Variants in RPS6KC1 observed in about 807,000 individuals in gnomAD.
The protein encoded by RPS6KC1 is ribosomal protein S6 kinase C1.
RPS6KC1 carries 54 observed loss-of-function variants against 103.8 expected under a neutral mutation model. The ratio of observed to expected loss-of-function variants is 0.52; its 90% confidence interval spans 0.42 to 0.65. The LOEUF (loss-of-function observed/expected upper bound fraction) is 0.65. Among genes scored for constraint, RPS6KC1 ranks in the 30% least tolerant of loss-of-function variants. The pLI, the probability that RPS6KC1 is intolerant of heterozygous loss-of-function variation, is 0.00. For missense variants in RPS6KC1, 1,151 were observed against 1,253.8 expected (o/e 0.92, Z 1.24); for synonymous variants, 439 against 438.7 (o/e 1.00, Z -0.01).
At chr1:213,364,292 C>T in the RPS6KC1 span, among the ~76,000 whole-genome samples, 4,701 of 152,300 alleles carry the variant, frequency 0.031, 255 homozygotes, top group African/African-American at 0.11. Context: ...TCAAATATTT[C>T]AGCCAAAAAT....
At chr1:213,276,108 C>T (rs1049270846), downstream of RPS6KC1, among the ~76,000 whole-genome samples, 2 of 152,130 alleles carry the variant, frequency 1.3e-5, no homozygotes, top group Non-Finnish European at 2.9e-5. Context: ...ATAGATAGTA[C>T]TCATGCTATA....
chr1:213,121,925 C>CT (rs1192338286), intron 5 of RPS6KC1, among the ~76,000 whole-genome samples: 1 of 151,922 alleles, frequency 6.6e-6, no homozygotes, highest in Non-Finnish European at 1.5e-5. Flanking sequence ...CTACCCCCAC[C>CT]TTTTTTTGGC....
chr1:213,398,716 T>C, the RPS6KC1 span, among the ~76,000 whole-genome samples: 1 of 152,206 alleles, frequency 6.6e-6, no homozygotes, highest in South Asian at 2.1e-4. Context: ...TTAGGCATCA[T>C]TTTATTTATA....
chr1:213,362,228 C>T, the RPS6KC1 span, among the ~76,000 whole-genome samples: 2 of 152,136 alleles, frequency 1.3e-5, no homozygotes, highest in African/African-American at 4.8e-5. Context: ...ATACAGTGGA[C>T]TACAGTGGTG....
the RPS6KC1 span, among the ~76,000 whole-genome samples, chr1:213,804,268 G>T: frequency 6.6e-6 from 1 of 151,368 alleles, no homozygotes; most frequent in African/African-American, 2.4e-5. Context: ...CGTGGTTGTG[G>T]AGTGTGCCAA....
At chr1:213,343,391 GTATATATATATA>G in the RPS6KC1 span, among the ~76,000 whole-genome samples, 1,171 of 65,886 alleles carry the variant, frequency 0.018, 128 homozygotes, top group Non-Finnish European at 0.024. Flanking sequence ...AGTGTTGTGT[GTATATATATATA>G]TATATATATA....
chr1:213,103,101 G>A (rs1465274329), intron 3 of RPS6KC1, among the ~76,000 whole-genome samples: 1 of 151,788 alleles, frequency 6.6e-6, no homozygotes, highest in Non-Finnish European at 1.5e-5. Context: ...TTGGGAGGCT[G>A]AAGTGGGAGG....
chr1:213,340,229 C>T, the RPS6KC1 span, among the ~76,000 whole-genome samples: 2 of 152,258 alleles, frequency 1.3e-5, no homozygotes, highest in South Asian at 4.1e-4. Flanking sequence ...TCTCTCACCT[C>T]CATGTAGGAA....
At chr1:213,239,429 G>A (rs2094301001) in intron 10 of RPS6KC1, among the ~76,000 whole-genome samples, 1 of 152,082 alleles carries the variant, frequency 6.6e-6, no homozygotes, top group Non-Finnish European at 1.5e-5. Context: ...TTAATATTAT[G>A]ACAATTAGCC....
chr1:213,357,911 A>G, the RPS6KC1 span, among the ~76,000 whole-genome samples: 2 of 152,186 alleles, frequency 1.3e-5, no homozygotes, highest in African/African-American at 2.4e-5. Flanking sequence ...GGCATGAGGC[A>G]TACGAATAAG....
the RPS6KC1 span, among the ~76,000 whole-genome samples, chr1:213,563,972 C>CTTTTTTTTTTTTTTTTTTTTT: frequency 7.4e-6 from 1 of 134,396 alleles, no homozygotes; most frequent in Non-Finnish European, 1.6e-5. Flanking sequence ...TTGCTTACCT[C>CTTTTTTTTTTTTTTTTTTTTT]TTTTTTTTTT....
chr1:213,842,247 T>G, the RPS6KC1 span: 1 of 152,320 alleles, frequency 6.6e-6, no homozygotes. Context: ...GAACCTCCCA[T>G]AACAAATTAG....
the RPS6KC1 span, among the ~76,000 whole-genome samples, chr1:213,722,203 C>T: frequency 3.9e-5 from 6 of 152,228 alleles, no homozygotes; most frequent in South Asian, 1.2e-3. Context: ...GAACCCAGAT[C>T]TCATGCTTTG....
At chr1:213,413,527 C>T in the RPS6KC1 span, among the ~76,000 whole-genome samples, 6,732 of 152,044 alleles carry the variant, frequency 0.044, 166 homozygotes, top group Non-Finnish European at 0.054. Flanking sequence ...GAGAATCTAC[C>T]ACCAAAATAG....
intron 6 of RPS6KC1, among the ~76,000 whole-genome samples, chr1:213,153,203 T>TGAGAGGGAGACCGTGGAAAGAGAGG (rs1285601733): frequency 6.7e-6 from 1 of 150,158 alleles, no homozygotes; most frequent in Non-Finnish European, 1.5e-5. Context: ...CGGCTCAGCA[T>TGAGAGGGAGACCGTGGAAAGAGAGG]GAGAGGGAGA....
At chr1:213,717,379 C>G in the RPS6KC1 span, among the ~76,000 whole-genome samples, 1 of 152,060 alleles carries the variant, frequency 6.6e-6, no homozygotes, top group Non-Finnish European at 1.5e-5. Flanking sequence ...TAAAAGTTGA[C>G]AAGGCAAACA....
At chr1:213,772,742 G>T in the RPS6KC1 span, among the ~76,000 whole-genome samples, 3 of 152,258 alleles carry the variant, frequency 2.0e-5, no homozygotes, top group Non-Finnish European at 4.4e-5. Context: ...TGAACACCCC[G>T]GAGGCAGGGC....
the RPS6KC1 span, among the ~76,000 whole-genome samples, chr1:213,391,466 G>A: frequency 6.6e-6 from 1 of 152,312 alleles, no homozygotes; most frequent in East Asian, 1.9e-4. Flanking sequence ...TGTTAAATGT[G>A]TCAGACCTTG....
chr1:213,665,511 T>C, the RPS6KC1 span, among the ~76,000 whole-genome samples: 1 of 151,636 alleles, frequency 6.6e-6, no homozygotes, highest in South Asian at 2.1e-4. Flanking sequence ...TTCTCTCTAT[T>C]GGCAAAGATG....
Sources: gnomAD v4.1 joint callset for allele counts (sites outside exome capture counted in the v4.1 genomes callset) on GRCh38, gnomAD v4.1.1 for gene constraint, MANE v1.5 for transcripts, NCBI Gene and HGNC (gene_info 2026-07-23, HGNC 2026-07-21) for gene names.